Variants in RAD51B observed in about 807,000 individuals in gnomAD.
RAD51B encodes DNA repair protein RAD51 homolog 2.
In RAD51B, 38 loss-of-function variants were observed where a neutral mutation model predicts 42.2. That is an observed-to-expected ratio of 0.90 (90% CI 0.70 to 1.18). The LOEUF (loss-of-function observed/expected upper bound fraction) is 1.18. Ranked by LOEUF, RAD51B falls within the 50% of genes most tolerant of loss-of-function variation. The pLI is 0.00. For missense variants in RAD51B, 373 were observed against 400.7 expected (o/e 0.93, Z 0.59); for synonymous variants, 154 against 145.2 (o/e 1.06, Z -0.43).
At chr14:68,446,311 G>A (rs2085420220) in intron 9 of RAD51B, among the ~76,000 whole-genome samples, 1 of 152,218 alleles carries the variant, frequency 6.6e-6, no homozygotes, top group Admixed American at 6.5e-5. Context: ...GAAGTGACTT[G>A]TAGCTACTAG....
chr14:68,647,894 C>G (rs1055169700), intron 10 of RAD51B, among the ~76,000 whole-genome samples: 1 of 151,398 alleles, frequency 6.6e-6, no homozygotes, highest in African/African-American at 2.4e-5. Flanking sequence ...ATCAGGCTGG[C>G]CTTGAACTCC....
intron 7 of RAD51B, among the ~76,000 whole-genome samples, chr14:68,081,324 C>T (rs1272342644): frequency 6.6e-6 from 1 of 152,154 alleles, no homozygotes; most frequent in Non-Finnish European, 1.5e-5. Flanking sequence ...TCTTGAGCCT[C>T]CTCCTCGCAT....
chr14:68,046,369 G>T (rs1160978321), intron 7 of RAD51B, among the ~76,000 whole-genome samples: 1 of 152,104 alleles, frequency 6.6e-6, no homozygotes, highest in African/African-American at 2.4e-5. Context: ...CTCCTGCCTT[G>T]GTCTCCGGAA....
intron 8 of RAD51B, among the ~76,000 whole-genome samples, chr14:68,318,243 A>C (rs2082096440): frequency 6.6e-6 from 1 of 152,234 alleles, no homozygotes; most frequent in Non-Finnish European, 1.5e-5. Flanking sequence ...CAACCTGGCC[A>C]TAGGCTGCTG....
intron 1 of RAD51B, among the ~76,000 whole-genome samples, chr14:67,821,193 A>G (rs1481931784): frequency 1.3e-5 from 2 of 152,232 alleles, no homozygotes; most frequent in East Asian, 3.8e-4. Flanking sequence ...GCATGGCTGT[A>G]GTTATTTGTG....
intron 7 of RAD51B, among the ~76,000 whole-genome samples, chr14:67,915,350 G>A (rs1325952882): frequency 1.3e-5 from 2 of 152,220 alleles, no homozygotes; most frequent in African/African-American, 4.8e-5. Flanking sequence ...TTATTGGATA[G>A]ATTTGAATTG....
chr14:68,300,726 C>T (rs949263905), intron 8 of RAD51B, among the ~76,000 whole-genome samples: 7 of 152,294 alleles, frequency 4.6e-5, no homozygotes, highest in African/African-American at 1.4e-4. Flanking sequence ...AGAATCCACT[C>T]GCTACTCTAA....
At chr14:68,016,655 A>G (rs941004141) in intron 7 of RAD51B, among the ~76,000 whole-genome samples, 2 of 152,222 alleles carry the variant, frequency 1.3e-5, no homozygotes, top group Non-Finnish European at 2.9e-5. Context: ...GCCAACTCAC[A>G]TACACTTTTA....
chr14:68,488,813 A>G (rs979892027), intron 10 of RAD51B, among the ~76,000 whole-genome samples: 1 of 152,216 alleles, frequency 6.6e-6, no homozygotes, highest in African/African-American at 2.4e-5. Context: ...AACAACTGTC[A>G]TGAAAAATTT....
chr14:68,027,963 TATCTGTG>T lies in RAD51B; in HGVS notation c.756+140762_756+140768del, dbSNP rs1263458246. On this transcript the variant is annotated intron_variant, in intron 7 of 10. Coordinates refer to ENST00000471583, the MANE Select transcript of RAD51B (RefSeq NM_133510.4). ...TCATCTGGGAAGTTTGGTGTTTCTT[TATCTGTG>T]ATGCAGGTTGAGTATAGTCAGTTGG... Among the ~76,000 whole-genome samples the T allele has an allele frequency of 3.9e-5, 6 of 152,204 alleles. No individual in the cohort carries two copies. In the East Asian group the frequency reaches 7.7e-4, roughly 20 times the overall value.
chr14:68,027,095 A>G (rs2075967549), intron 7 of RAD51B, among the ~76,000 whole-genome samples: 1 of 152,036 alleles, frequency 6.6e-6, no homozygotes, highest in Non-Finnish European at 1.5e-5. Flanking sequence ...TCCTTAGTTT[A>G]TGAAGCTTAG....
chr14:68,407,660 AC>A (rs1439490640), intron 8 of RAD51B, among the ~76,000 whole-genome samples: 6 of 152,220 alleles, frequency 3.9e-5, no homozygotes, highest in Non-Finnish European at 8.8e-5. Context: ...GTAATATGAG[AC>A]AGTAAAATAA....
chr14:68,197,419 T>G (rs1795230611), intron 7 of RAD51B, among the ~76,000 whole-genome samples: 2 of 152,192 alleles, frequency 1.3e-5, no homozygotes, highest in Admixed American at 1.3e-4. Context: ...CAATTACTTT[T>G]TAGCCATTCT....
chr14:68,271,613 A>G (rs2081105621), intron 7 of RAD51B, among the ~76,000 whole-genome samples: 1 of 152,160 alleles, frequency 6.6e-6, no homozygotes, highest in Non-Finnish European at 1.5e-5. Flanking sequence ...TGGCTCTCCC[A>G]TTACCTTATA....
intron 7 of RAD51B, among the ~76,000 whole-genome samples, chr14:68,141,998 C>CTT (rs1176621052): frequency 1.3e-5 from 2 of 152,098 alleles, no homozygotes; most frequent in Non-Finnish European, 2.9e-5. Context: ...ATTTTGAGTG[C>CTT]TTTTATGTCA....
chr14:68,529,902 G>A (rs1887167769), intron 10 of RAD51B, among the ~76,000 whole-genome samples: 2 of 152,122 alleles, frequency 1.3e-5, no homozygotes, highest in African/African-American at 4.8e-5. Flanking sequence ...GTGAAATAAA[G>A]CAGGCAGAAA....
intron 7 of RAD51B, among the ~76,000 whole-genome samples, chr14:68,075,988 A>G (rs1566626041): frequency 6.6e-6 from 1 of 152,240 alleles, no homozygotes; most frequent in Non-Finnish European, 1.5e-5. Context: ...TGTTCAGGCC[A>G]GGCCGAGAGG....
At chr14:68,214,766 C>T (rs2079779515) in intron 7 of RAD51B, among the ~76,000 whole-genome samples, 1 of 152,158 alleles carries the variant, frequency 6.6e-6, no homozygotes, top group South Asian at 2.1e-4. Context: ...CCTCTTATAC[C>T]CACATGCAAC....
chr14:68,587,088 C>T lies in RAD51B; in HGVS notation c.1037-7397C>T, dbSNP rs112060802. 2.0e-5 allele frequency among the ~76,000 whole-genome samples: 3 copies of T among 152,302 alleles called. 1 individual carries two copies. The highest frequency in any genetic ancestry group is 7.2e-5 in the African/African-American group (3 of 41,556). On this transcript the variant is annotated intron_variant, in intron 10 of 10. Transcript: ENST00000487270. ...CTGAGGCCAGCAGCCAGGGATCCTGCTCTCTGCTATATGTCAGTGTTCCAG... is the reference window on the plus strand; with the variant it reads ...CTGAGGCCAGCAGCCAGGGATCCTGTTCTCTGCTATATGTCAGTGTTCCAG...
Sources: gnomAD v4.1 joint callset for allele counts (sites outside exome capture counted in the v4.1 genomes callset) on GRCh38, gnomAD v4.1.1 for gene constraint, MANE v1.5 for transcripts, NCBI Gene and HGNC (gene_info 2026-07-23, HGNC 2026-07-21) for gene names.